Variants in CLASP2 observed in about 807,000 individuals in gnomAD.
CLASP2 encodes CLIP-associating protein 2.
Under a neutral mutation model 194.4 loss-of-function variants are expected in CLASP2, and 47 were observed. The ratio of observed to expected loss-of-function variants is 0.24; its 90% CI spans 0.19 to 0.31. The LOEUF is 0.31. Among genes scored for constraint, CLASP2 ranks in the 10% least tolerant of loss-of-function variants. CLASP2 has a pLI of 1.00. For synonymous variants in CLASP2, 619 were observed against 633.5 expected (o/e 0.98, Z 0.34); for missense variants, 1,445 against 1,823.6 (o/e 0.79, Z 3.78).
chr3:33,650,902 T>C (rs189375902), intron 7 of CLASP2, among the ~76,000 whole-genome samples: 13 of 152,320 alleles, frequency 8.5e-5, no homozygotes, highest in African/African-American at 3.1e-4. Context: ...TGAGACACTA[T>C]AGGCCCACAA....
At chr3:33,506,432 T>G (rs1239334861) in intron 37 of CLASP2, among the ~76,000 whole-genome samples, 1 of 148,224 alleles carries the variant, frequency 6.7e-6, no homozygotes, top group African/African-American at 2.5e-5. Flanking sequence ...TAAAATTTGA[T>G]GTATTTTAAT....
chr3:33,706,700 G>A (rs1275456512), intron 1 of CLASP2, among the ~76,000 whole-genome samples: 1 of 152,128 alleles, frequency 6.6e-6, no homozygotes, highest in African/African-American at 2.4e-5. Context: ...AGTGGCTCAT[G>A]CCTGTAATCC....
In CLASP2 at chr3:33,510,545, C is replaced by A; in HGVS notation, c.4317+13G>T. 1.9e-6 allele frequency: 3 copies of A among 1,612,480 alleles called. No homozygotes were observed. The highest frequency in any genetic ancestry group is 2.5e-6 in the Non-Finnish European group (3 of 1,178,702). Reference sequence around the variant, plus strand: ...GTATCATGGCTTATTCCTCTCCAAGCTTTGTTGCTTACCTGTATTAGACCT... The same window carrying A: ...GTATCATGGCTTATTCCTCTCCAAGATTTGTTGCTTACCTGTATTAGACCT... On this transcript the variant is annotated intron_variant, in intron 37 of 38. Coordinates refer to ENST00000682230, the MANE Select transcript of CLASP2 (RefSeq NM_001365631.1).
intron 12 of CLASP2, among the ~76,000 whole-genome samples, chr3:33,618,528 G>A (rs2076586613): frequency 8.1e-6 from 1 of 123,502 alleles, no homozygotes; most frequent in South Asian, 2.4e-4. Flanking sequence ...GGTGCCTGTA[G>A]TACCCGCTAC....
chr3:33,663,582 T>G, intron 6 of CLASP2, 67 bp from the exon 7 acceptor site: 1 of 1,085,102 alleles, frequency 9.2e-7, no homozygotes, highest in South Asian at 1.3e-5. Flanking sequence ...AGAAACAATT[T>G]CCTTCACCAT....
chr3:33,682,967 A>G (rs1036956532), intron 6 of CLASP2: 1 of 152,200 alleles, frequency 6.6e-6, no homozygotes. Context: ...AATAGGCTGT[A>G]TAACATTTTG....
chr3:33,627,988 G>A (rs1471537622), intron 9 of CLASP2, among the ~76,000 whole-genome samples: 5 of 152,104 alleles, frequency 3.3e-5, no homozygotes, highest in Admixed American at 6.6e-5. Flanking sequence ...GTGTGAGGAT[G>A]GAACAGCTAT....
chr3:33,648,479 C>T (rs918273279), intron 7 of CLASP2, among the ~76,000 whole-genome samples: 9 of 151,852 alleles, frequency 5.9e-5, no homozygotes, highest in African/African-American at 2.2e-4. Flanking sequence ...AACACAGCTT[C>T]ATATATATAA....
At chr3:33,672,415 A>C (rs1282061603) in intron 6 of CLASP2, among the ~76,000 whole-genome samples, 3 of 152,216 alleles carry the variant, frequency 2.0e-5, no homozygotes, top group Non-Finnish European at 2.9e-5. Context: ...GAACAAACAG[A>C]AAGGACATCC....
At position 33,510,892 on chromosome 3, in the gene CLASP2, A is replaced by C. The variant is rs1467381885; in HGVS notation, c.4111-128T>G. The stretch of plus-strand genomic sequence containing the variant: ...TGCTTTGAAAATGCTACAGTAAACA[A>C]ACATGAAAAGTGAGGGTACAGATTA... On this transcript the variant is annotated intron_variant, in intron 36 of 38. Transcript: ENST00000682230. 10 of 842,460 alleles carry C rather than the reference A, an allele frequency of 1.2e-5. No individual in the cohort carries two copies. In the East Asian group the frequency reaches 2.7e-4, roughly 22 times the overall value. The allele number at this position is 842,460 out of a possible 1,614,324, so 52.2% of individuals were successfully genotyped here. A position where few individuals can be genotyped will look rare whatever the true frequency, so the allele number is the denominator to read the frequency against.
intron 4 of CLASP2, among the ~76,000 whole-genome samples, chr3:33,687,356 A>C (rs1373280191): frequency 1.3e-5 from 2 of 152,254 alleles, no homozygotes; most frequent in African/African-American, 4.8e-5. Context: ...CTGAATAATC[A>C]CAACTGACAG....
chr3:33,509,269 T>C (rs1234506201), intron 37 of CLASP2, among the ~76,000 whole-genome samples: 2 of 152,366 alleles, frequency 1.3e-5, no homozygotes, highest in Middle Eastern at 6.8e-3. Context: ...CATACCAGCA[T>C]CTTTCCTAAC....
rs1297261457 is a variant in CLASP2, at chr3:33,717,964, C to T, written c.39G>A (p.Val13=). 1.3e-6 allele frequency: 2 copies of T among 1,542,358 alleles called. No individual in the cohort carries two copies. ...GCCGGCCGCCGACGTCCTTCTGCTG[C>T]ACCTGGGCGCAGAAGTACTCCATGC... is the stretch of plus-strand genomic sequence containing the variant. ...PRSMEYFCAQ[V]QQKDVGGRLQ... Residue 13 remains valine (V), a synonymous_variant, in exon 1 of 39, where the codon GTG becomes GTA. Transcript: ENST00000682230.
intron 6 of CLASP2, among the ~76,000 whole-genome samples, chr3:33,673,946 G>A (rs895075336): frequency 6.6e-6 from 1 of 152,106 alleles, no homozygotes; most frequent in Admixed American, 6.5e-5. Context: ...CATAAAGAAA[G>A]TCCTGAGTGA....
At chr3:33,624,952 CTG>C (rs1195234733) in intron 10 of CLASP2, among the ~76,000 whole-genome samples, 1 of 152,006 alleles carries the variant, frequency 6.6e-6, no homozygotes, top group Non-Finnish European at 1.5e-5. Context: ...CTCTCAAACA[CTG>C]TAAGATTATA....
At position 33,572,634 on chromosome 3, in the gene CLASP2, A is replaced by C. The variant is rs1364832898; in HGVS notation, c.2699+476T>G. ...AACCCCAAACCCAAAATATTAACAA[A>C]TATCTGTTCTTAAAGAAATTCAGTC... On this transcript the variant is annotated intron_variant, in intron 25 of 38. Transcript: ENST00000682230. Among the ~76,000 whole-genome samples the C allele has an allele frequency of 3.9e-5, 6 of 152,242 alleles. No homozygotes were observed. In the East Asian group the frequency reaches 1.2e-3, roughly 29 times the overall value.
Position 33,595,932 on chromosome 3 carries a change from T to C in CLASP2, c.1948+779A>G, listed in dbSNP as rs190716149. On this transcript the variant is annotated intron_variant, in intron 19 of 38. Coordinates refer to ENST00000682230, the MANE Select transcript of CLASP2 (RefSeq NM_001365631.1). The stretch of plus-strand genomic sequence containing the variant: ...TTCTATCTCATTAAAACAGAAGATA[T>C]ATTAGATCAATTTTCCATTTACATA... Among the ~76,000 whole-genome samples the C allele has an allele frequency of 1.8e-3, 275 of 152,148 alleles. 1 individual carries two copies. The highest frequency in any genetic ancestry group is 6.1e-3 in the African/African-American group (253 of 41,564).
chr3:33,622,610 T>C (rs761385624), intron 10 of CLASP2, among the ~76,000 whole-genome samples: 4 of 152,186 alleles, frequency 2.6e-5, no homozygotes, highest in Non-Finnish European at 5.9e-5. Context: ...AGTGTGATAA[T>C]AGGGAGTTTT....
intron 8 of CLASP2, among the ~76,000 whole-genome samples, chr3:33,636,830 A>G (rs1245739288): frequency 6.6e-6 from 1 of 152,148 alleles, no homozygotes; most frequent in Non-Finnish European, 1.5e-5. Flanking sequence ...TGAACTCCTG[A>G]CCTCAAGTGA....
Sources: gnomAD v4.1 joint callset for allele counts (sites outside exome capture counted in the v4.1 genomes callset) on GRCh38, gnomAD v4.1.1 for gene constraint, MANE v1.5 for transcripts, NCBI Gene and HGNC (gene_info 2026-07-23, HGNC 2026-07-21) for gene names.